The following FRMPD4 variants were observed in gnomAD, a reference collection of about 807,000 sequenced individuals.
FRMPD4 encodes FERM and PDZ domain-containing protein 4.
Under a neutral mutation model 94.1 loss-of-function variants are expected in FRMPD4, and 22 were observed. The observed-to-expected ratio is 0.23, with a 90% CI of 0.17 to 0.33. The LOEUF is 0.33. Among genes scored for constraint, FRMPD4 ranks in the 10% least tolerant of loss-of-function variants. The pLI is 1.00. For synonymous variants in FRMPD4, 631 were observed against 548.6 expected (o/e 1.15, Z -2.10); for missense variants, 1,111 against 1,339.9 (o/e 0.83, Z 2.67).
intron 1 of FRMPD4, among the ~76,000 whole-genome samples, chrX:11,840,965 A>G (rs908714551): frequency 3.1e-5 from 3 of 97,104 alleles, no homozygotes; most frequent in Non-Finnish European, 4.0e-5. Flanking sequence ...TCATTGTTCA[A>G]TTCCCACCTG....
At chrX:12,552,219 T>C (rs1452876917) in intron 2 of FRMPD4, among the ~76,000 whole-genome samples, 1 of 111,992 alleles carries the variant, frequency 8.9e-6, no homozygotes, top group Non-Finnish European at 1.9e-5. Context: ...GAGCTAGCAG[T>C]ATTTATTACT....
intron 3 of FRMPD4, among the ~76,000 whole-genome samples, chrX:12,075,351 T>G (rs866399288): frequency 1.2e-4 from 13 of 106,988 alleles, no homozygotes; most frequent in African/African-American, 3.1e-4. Flanking sequence ...TATGTGTGTG[T>G]GGGGGGTGGT....
At chrX:11,950,433 T>G (rs1036953163) in intron 3 of FRMPD4, among the ~76,000 whole-genome samples, 67 of 111,707 alleles carry the variant, frequency 6.0e-4, no homozygotes, top group African/African-American at 2.1e-3. Flanking sequence ...GCACCTGAAA[T>G]GTACTCTCTT....
intron 3 of FRMPD4, among the ~76,000 whole-genome samples, chrX:12,110,557 A>T (rs1186039109): frequency 1.8e-5 from 2 of 111,519 alleles, no homozygotes; most frequent in African/African-American, 6.5e-5. Context: ...ATAGTGTTGG[A>T]AGTTCTGGCC....
intron 1 of FRMPD4, among the ~76,000 whole-genome samples, chrX:12,238,308 G>A (rs369883420): frequency 9.1e-6 from 1 of 110,395 alleles, no homozygotes; most frequent in East Asian, 2.9e-4. Flanking sequence ...ATTTTTAGTA[G>A]AGATGGGGTT....
At chrX:12,556,959 C>T (rs762258572) in intron 2 of FRMPD4, among the ~76,000 whole-genome samples, 3 of 112,011 alleles carry the variant, frequency 2.7e-5, no homozygotes, top group African/African-American at 9.8e-5. Flanking sequence ...CACACACCAC[C>T]ATTCCTGGCT....
chrX:12,245,664 T>C (rs1391349281), intron 1 of FRMPD4, among the ~76,000 whole-genome samples: 1 of 110,647 alleles, frequency 9.0e-6, no homozygotes, highest in Non-Finnish European at 1.9e-5. Context: ...ATGGTTAGGC[T>C]ATCAGTGCTC....
At position 12,110,349 on chromosome X, in the gene FRMPD4, G is replaced by A. The variant is rs79251597; in HGVS notation, c.95+232331G>A. 2.2e-4 allele frequency among the ~76,000 whole-genome samples: 25 copies of A among 112,109 alleles called. 1 individual carries two copies. Among genetic ancestry groups the A allele is most frequent in the Non-Finnish European group, 3.4e-4 (18 of 53,287 alleles). Reference sequence around the variant, plus strand: ...GATTATCTCAATAGATGCAGAAAACGTCTTTGACAAAATTCAACAGCTCTT... The same window carrying A: ...GATTATCTCAATAGATGCAGAAAACATCTTTGACAAAATTCAACAGCTCTT... On this transcript the variant is annotated intron_variant, in intron 3 of 18. Coordinates refer to the FRMPD4 transcript ENST00000640291.
chrX:12,321,210 A>G (rs756563187), intron 1 of FRMPD4, among the ~76,000 whole-genome samples: 12 of 112,018 alleles, frequency 1.1e-4, no homozygotes, highest in Non-Finnish European at 1.7e-4. Context: ...TTTTTGTAAA[A>G]TTATACCTTT....
At chrX:12,517,066 G>A (rs932767418) in intron 2 of FRMPD4, among the ~76,000 whole-genome samples, 1 of 110,161 alleles carries the variant, frequency 9.1e-6, no homozygotes, top group Non-Finnish European at 1.9e-5. Flanking sequence ...GGTCATTCAT[G>A]TTCCTCTCTA....
intron 3 of FRMPD4, among the ~76,000 whole-genome samples, chrX:12,089,247 G>A (rs2055135127): frequency 8.9e-6 from 1 of 112,143 alleles, no homozygotes; most frequent in Admixed American, 9.4e-5. Context: ...ACTATGAATG[G>A]TGTTGCCAGG....
At chrX:12,150,714 T>A (rs1252938537) in intron 1 of FRMPD4, among the ~76,000 whole-genome samples, 1 of 112,040 alleles carries the variant, frequency 8.9e-6, no homozygotes, top group African/African-American at 3.2e-5. Context: ...AAAATATTAC[T>A]GTTCAGGAAA....
intron 4 of FRMPD4, among the ~76,000 whole-genome samples, chrX:12,653,385 T>C (rs2148476512): frequency 8.9e-6 from 1 of 112,713 alleles, no homozygotes; most frequent in South Asian, 3.6e-4. Context: ...TAAGACCTAT[T>C]GGTACTTGAA....
intron 1 of FRMPD4, among the ~76,000 whole-genome samples, chrX:12,349,236 G>A (rs1352719624): frequency 1.8e-5 from 2 of 111,329 alleles, no homozygotes; most frequent in African/African-American, 6.5e-5. Context: ...TATCTCAGCC[G>A]AAAGGAAATA....
intron 1 of FRMPD4, among the ~76,000 whole-genome samples, chrX:12,458,939 G>T (rs182431658): frequency 1.2e-3 from 134 of 111,814 alleles, no homozygotes; most frequent in Non-Finnish European, 2.4e-3. Flanking sequence ...ATGAATGAAT[G>T]AATAGAATGC....
chrX:12,486,599 ACT>A (rs757313630), intron 1 of FRMPD4, among the ~76,000 whole-genome samples: 19 of 112,349 alleles, frequency 1.7e-4, no homozygotes, highest in Non-Finnish European at 2.8e-4. Flanking sequence ...ACAATTTGTA[ACT>A]CTGTGCTCTT....
At chrX:11,852,464 AAAAG>A (rs1351948485) in intron 1 of FRMPD4, among the ~76,000 whole-genome samples, 1 of 108,224 alleles carries the variant, frequency 9.2e-6, no homozygotes, top group Non-Finnish European at 1.9e-5. Context: ...AAAAAAAAGA[AAAAG>A]AAAAAAAAGA....
chrX:12,026,338 C>T (rs1440496641), intron 3 of FRMPD4, among the ~76,000 whole-genome samples: 1 of 110,677 alleles, frequency 9.0e-6, no homozygotes, highest in East Asian at 2.8e-4. Context: ...TTTTTAAGTA[C>T]TAGGGATGGA....
chrX:12,523,937 T>C (rs1430897286), intron 2 of FRMPD4, among the ~76,000 whole-genome samples: 1 of 111,157 alleles, frequency 9.0e-6, no homozygotes, highest in Non-Finnish European at 1.9e-5. Flanking sequence ...GGAGGATCTC[T>C]TGAGGCCAGG....
Sources: allele counts gnomAD v4.1 joint callset (sites outside exome capture counted in the v4.1 genomes callset), GRCh38; gene constraint gnomAD v4.1.1; transcripts MANE v1.5; gene names NCBI Gene and HGNC (gene_info 2026-07-23, HGNC 2026-07-21).